Variants in CLCC1 observed in about 807,000 individuals in gnomAD.
The protein encoded by CLCC1 is chloride channel CLIC like 1.
CLCC1 carries 39 observed loss-of-function variants against 63.3 expected under a neutral mutation model. The ratio of observed to expected loss-of-function variants is 0.62; its 90% CI spans 0.48 to 0.81. The LOEUF (loss-of-function observed/expected upper bound fraction) is 0.81. CLCC1 is among the 30% of genes least tolerant of loss of function. The pLI, the probability that CLCC1 is intolerant of heterozygous loss-of-function variation, is 0.00. For missense variants in CLCC1, 549 were observed against 669.4 expected (o/e 0.82, Z 1.98); for synonymous variants, 217 against 239.8 (o/e 0.90, Z 0.88).
Position 108,941,440 on chromosome 1 carries a change from C to T in CLCC1, c.761G>A (p.Cys254Tyr). The stretch of plus-strand genomic sequence containing the variant: ...TCCAGTCCAGTCCATCTTTTTGGCA[C>T]ACACATTGTTTAATGGCTCCATCTT... The part of the protein sequence containing the change: ...VAKMEPLNNV[C>Y]AKKMDWTGSI... The change falls in exon 8 of 13, where the codon TGT becomes TAT. Residue 254 changes from cysteine to tyrosine, a missense_variant. Coordinates refer to ENST00000369969, the MANE Select transcript of CLCC1 (RefSeq NM_001377458.1). 2.5e-6 allele frequency: 4 copies of T among 1,614,126 alleles called. No homozygotes were observed. The highest frequency in any genetic ancestry group is 3.4e-6 in the Non-Finnish European group (4 of 1,180,018).
chr1:108,959,375 GA>G (rs956699273), intron 2 of CLCC1, among the ~76,000 whole-genome samples: 15 of 150,956 alleles, frequency 9.9e-5, no homozygotes, highest in African/African-American at 3.4e-4. Context: ...AAAAATTAAA[GA>G]AAAAAAAGCT....
At chr1:108,947,073 AGAATTG>A (rs1490319200) in intron 5 of CLCC1, among the ~76,000 whole-genome samples, 1 of 152,082 alleles carries the variant, frequency 6.6e-6, no homozygotes, top group Non-Finnish European at 1.5e-5. Flanking sequence ...TGAGTCAGGG[AGAATTG>A]CTGGAACCCG....
intron 4 of CLCC1, 96 bp from the exon 5 acceptor site, chr1:108,947,814 G>C (rs1000754271): frequency 1.3e-6 from 1 of 794,788 alleles, no homozygotes; most frequent in African/African-American, 1.7e-5. Flanking sequence ...TCAAGGTAAG[G>C]AGCTAGTTGT....
rs1654551779 is a variant in CLCC1, at chr1:108,946,447, G to C, written c.339+1164C>G. 1.3e-5 allele frequency among the ~76,000 whole-genome samples: 2 copies of C among 152,172 alleles called. 1 individual carries two copies. Among genetic ancestry groups the C allele is most frequent in the African/African-American group, 4.8e-5 (2 of 41,430 alleles). On this transcript the variant is annotated intron_variant, in intron 5 of 12. Coordinates refer to ENST00000369969, the MANE Select transcript of CLCC1 (RefSeq NM_001377458.1). ...GGCTCAAATTACAGAGTGTACGTAT[G>C]AGAACGCATCTGCTTCTACATTTCC...
At position 108,929,962 on chromosome 1, in the gene CLCC1, T is replaced by TC; in HGVS notation, c.*2584dup. On this transcript the variant is annotated 3_prime_UTR_variant, in exon 13 of 13. Transcript: ENST00000369969. ...TTAGTTACTATGGATTTATTTTTTT[T>TC]CCTTTCAAACACGGTAAGGAAACAA... The TC allele has an allele frequency of 6.2e-7, 1 of 1,606,922 alleles. No individual in the cohort carries two copies. Among genetic ancestry groups the TC allele is most frequent in the South Asian group, 1.1e-5 (1 of 90,738 alleles).
chr1:108,962,556 G>A (rs986899561), intron 1 of CLCC1, 87 bp from the exon 2 acceptor site: 2 of 152,156 alleles, frequency 1.3e-5, no homozygotes, highest in African/African-American at 4.8e-5. Context: ...CTTATGGTGT[G>A]TCTAACTTTT....
chr1:108,936,166 C>A (rs1318653723), intron 11 of CLCC1, among the ~76,000 whole-genome samples: 2 of 144,196 alleles, frequency 1.4e-5, no homozygotes, highest in African/African-American at 5.1e-5. Flanking sequence ...GATCTCGGCT[C>A]ACTGCAACCT....
chr1:108,946,527 C>G (rs977875317), intron 5 of CLCC1, among the ~76,000 whole-genome samples: 1 of 152,084 alleles, frequency 6.6e-6, no homozygotes, highest in Admixed American at 6.5e-5. Context: ...TCACTTCTTA[C>G]TGTACCAGGA....
intron 7 of CLCC1, among the ~76,000 whole-genome samples, chr1:108,942,720 T>G (rs113375779): frequency 2.3e-3 from 349 of 152,344 alleles, no homozygotes; most frequent in Non-Finnish European, 3.9e-3. Flanking sequence ...GATAAAATTA[T>G]AGGTTATTTT....
chr1:108,944,135 C>G, intron 5 of CLCC1, 78 bp from the exon 6 acceptor site: 1 of 1,037,638 alleles, frequency 9.6e-7, no homozygotes, highest in Non-Finnish European at 1.4e-6. Context: ...AAGACAAAAG[C>G]CAATTTGGAA....
At chr1:108,948,202 A>T (rs1571052099) in intron 4 of CLCC1, among the ~76,000 whole-genome samples, 1 of 152,348 alleles carries the variant, frequency 6.6e-6, no homozygotes, top group East Asian at 1.9e-4. Context: ...TTCAATGTGC[A>T]TATGACTTTT....
intron 10 of CLCC1, among the ~76,000 whole-genome samples, chr1:108,939,303 T>C (rs12044415): frequency 0.013 from 1,922 of 146,096 alleles, 29 homozygotes; most frequent in South Asian, 0.058. Context: ...TATACATATA[T>C]GTATAATTTT....
chr1:108,950,512 G>A (rs1291328991), intron 2 of CLCC1, 64 bp from the exon 3 acceptor site: 5 of 661,176 alleles, frequency 7.6e-6, no homozygotes, highest in Non-Finnish European at 1.1e-5. Flanking sequence ...TGGGTTTTGG[G>A]TTATTATTAT....
Position 108,963,475 on chromosome 1 carries a change from CG to C in CLCC1, c.-288del. Reference sequence around the variant, plus strand: ...CAGCGTGCTTCCTGGGCCTCGTCATCGAATTGTTCGGCTGACGGCTGCGTGT... The same window carrying C: ...CAGCGTGCTTCCTGGGCCTCGTCATCAATTGTTCGGCTGACGGCTGCGTGT... On this transcript the variant is annotated 5_prime_UTR_variant, in exon 1 of 13. Coordinates refer to ENST00000369969, the MANE Select transcript of CLCC1 (RefSeq NM_001377458.1). The C allele has an allele frequency of 1.4e-6, 1 of 701,954 alleles. No homozygotes were observed. The highest frequency in any genetic ancestry group is 2.6e-6 in the Non-Finnish European group (1 of 384,460). 43.5% of individuals were successfully genotyped at this position (701,954 alleles called of 1,614,324 possible).
chr1:108,934,861 C>G lies in CLCC1; in HGVS notation c.1465G>C (p.Glu489Gln), dbSNP rs984480790. The change falls in exon 12 of 13, where the codon GAA becomes CAA. Residue 489 changes from glutamate (E) to glutamine (Q), a missense_variant. By Grantham distance (29) the Glu-to-Gln change is conservative. Transcript: ENST00000369969. ...GEGTPKESST[E>Q]SSQSAKPVSG... ...ACAGGCTTGGCCGACTGGCTGCTTT[C>G]AGTACTGCTTTCTTTCGGTGTGCCT... The G allele has an allele frequency of 1.2e-6, 2 of 1,614,006 alleles. No homozygotes were observed. The highest frequency in any genetic ancestry group is 1.7e-5 in the Admixed American group (1 of 60,020).
At position 108,930,132 on chromosome 1, in the gene CLCC1, T is replaced by G; in HGVS notation, c.*2415A>C. 1 of 585,062 alleles carries G rather than the reference T, an allele frequency of 1.7e-6. No individual in the cohort carries two copies. The highest frequency in any genetic ancestry group is 3.0e-6 in the Non-Finnish European group (1 of 334,478). 36.2% of individuals were successfully genotyped at this position (585,062 alleles called of 1,614,324 possible). On this transcript the variant is annotated 3_prime_UTR_variant, in exon 13 of 13. Transcript: ENST00000369969. ...ACATGCGCGTTTGAGGGTGGAGGGG[T>G]CCTGTAAGGTGCTTCATCGTCTGTG...
chr1:108,960,156 C>A (rs1228821438), intron 2 of CLCC1, among the ~76,000 whole-genome samples: 2 of 151,984 alleles, frequency 1.3e-5, no homozygotes, highest in East Asian at 1.9e-4. Flanking sequence ...AACAAACAAA[C>A]AAAAAACACT....
At chr1:108,948,030 A>G (rs1654762550) in intron 4 of CLCC1, among the ~76,000 whole-genome samples, 1 of 152,204 alleles carries the variant, frequency 6.6e-6, no homozygotes, top group South Asian at 2.1e-4. Flanking sequence ...ATCTGGACCA[A>G]TCTGCCTCTT....
At chr1:108,951,793 G>T (rs1483643780) in intron 2 of CLCC1, among the ~76,000 whole-genome samples, 5 of 149,140 alleles carry the variant, frequency 3.4e-5, no homozygotes, top group Non-Finnish European at 5.9e-5. Flanking sequence ...TTGAGACAGG[G>T]TCTCTCCCTC....
Sources: gnomAD v4.1 joint callset for allele counts (sites outside exome capture counted in the v4.1 genomes callset) on GRCh38, gnomAD v4.1.1 for gene constraint, MANE v1.5 for transcripts, NCBI Gene and HGNC (gene_info 2026-07-23, HGNC 2026-07-21) for gene names.